Variants in LRRC49 observed in about 807,000 individuals in gnomAD.
LRRC49 encodes the protein leucine rich repeat containing 49, also known as leucine-rich repeat-containing protein 49.
In LRRC49, 50 loss-of-function variants were observed where a neutral mutation model predicts 83.3. That is an observed-to-expected ratio of 0.60 (90% CI 0.48 to 0.76). The LOEUF (loss-of-function observed/expected upper bound fraction) is 0.76. Among genes scored for constraint, LRRC49 ranks in the 30% least tolerant of loss-of-function variants. The pLI is 0.00. For synonymous variants in LRRC49, 286 were observed against 283.3 expected (o/e 1.01, Z -0.10); for missense variants, 704 against 809.1 (o/e 0.87, Z 1.58).
intron 15 of LRRC49, among the ~76,000 whole-genome samples, chr15:71,041,206 T>C (rs2039691339): frequency 6.6e-6 from 1 of 152,172 alleles, no homozygotes; most frequent in African/African-American, 2.4e-5. Context: ...TTGAGGTAAT[T>C]TGTTAGACAG....
intron 2 of LRRC49, among the ~76,000 whole-genome samples, chr15:70,883,575 C>T (rs2033324100): frequency 6.6e-6 from 1 of 151,932 alleles, no homozygotes; most frequent in African/African-American, 2.4e-5. Context: ...GTTCTTTATA[C>T]TTTATAGAAG....
intron 9 of LRRC49, among the ~76,000 whole-genome samples, chr15:70,969,239 A>C (rs1304594589): frequency 6.6e-6 from 1 of 152,194 alleles, no homozygotes; most frequent in Non-Finnish European, 1.5e-5. Context: ...TTAAATAGGG[A>C]ATCCTTTACC....
chr15:70,979,081 A>C (rs1267423876), intron 9 of LRRC49, among the ~76,000 whole-genome samples: 1 of 152,146 alleles, frequency 6.6e-6, no homozygotes, highest in African/African-American at 2.4e-5. Context: ...GAGTATCTAC[A>C]AATCTTTTGG....
chr15:70,933,867 T>C (rs1338457871), intron 7 of LRRC49, among the ~76,000 whole-genome samples: 2 of 152,326 alleles, frequency 1.3e-5, no homozygotes, highest in East Asian at 1.9e-4. Context: ...GTTAAACTTT[T>C]GTTTTCCCTG....
chr15:70,977,662 A>G (rs1301093055), intron 9 of LRRC49, among the ~76,000 whole-genome samples: 1 of 152,108 alleles, frequency 6.6e-6, no homozygotes, highest in South Asian at 2.1e-4. Flanking sequence ...AAAAATAATA[A>G]TTATTATTAT....
intron 8 of LRRC49, among the ~76,000 whole-genome samples, chr15:70,951,246 C>T (rs1196039758): frequency 6.6e-6 from 1 of 151,942 alleles, no homozygotes; most frequent in Admixed American, 6.6e-5. Context: ...TTCTAGCTCT[C>T]TTTTGGTTCC....
Position 70,936,593 on chromosome 15 carries a change from A to G in LRRC49, c.712-168A>G, listed in dbSNP as rs1267225245. ...TCTGCGGATGTACTGAAACCCTCCC[A>G]TTTAATCTGCAGTGGAGGAGAGTGG... On this transcript the variant is annotated intron_variant, in intron 7 of 15. Coordinates refer to ENST00000260382, the MANE Select transcript of LRRC49 (RefSeq NM_017691.5). 1.6e-5 allele frequency: 9 copies of G among 563,764 alleles called. No homozygotes were observed. In the South Asian group the frequency reaches 1.8e-4, roughly 11 times the overall value. 34.9% of individuals were successfully genotyped at this position (563,764 alleles called of 1,614,324 possible). A position where few individuals can be genotyped will look rare whatever the true frequency, so the allele number is the denominator to read the frequency against.
chr15:71,047,342 T>C (rs1405525425), intron 15 of LRRC49, among the ~76,000 whole-genome samples: 1 of 152,258 alleles, frequency 6.6e-6, no homozygotes, highest in Non-Finnish European at 1.5e-5. Flanking sequence ...TCCATTTATT[T>C]GTGTCATCTC....
chr15:70,892,098 C>G (rs1356786949), upstream of LRRC49: 1 of 1,614,024 alleles, frequency 6.2e-7, no homozygotes, highest in East Asian at 2.2e-5. Context: ...CAGGCTGGGG[C>G]AAAGTGGTCA....
At chr15:70,952,886 A>C (rs2036270230) in intron 8 of LRRC49, among the ~76,000 whole-genome samples, 1 of 152,198 alleles carries the variant, frequency 6.6e-6, no homozygotes, top group African/African-American at 2.4e-5. Context: ...TCATTATGTA[A>C]TGCCCTTTCT....
Position 70,904,682 on chromosome 15 carries a change from G to A in LRRC49, c.427G>A (p.Asp143Asn). 1 of 1,613,498 alleles carries A rather than the reference G, an allele frequency of 6.2e-7. No homozygotes were observed. Among genetic ancestry groups the A allele is most frequent in the Non-Finnish European group, 8.5e-7 (1 of 1,179,548 alleles). ...GAAGTTAATATCGTTGGATTTATAT[G>A]ATAACCAGATTGAAGAAATTAGTGG... ...LQKLISLDLY[D>N]NQIEEISGLS... Residue 143 changes from aspartate (D) to asparagine (N), a missense_variant, in exon 5 of 16, where the codon GAT (aspartate) becomes AAT (asparagine). Asp to Asn is a conservative substitution (Grantham distance 23). Transcript: ENST00000260382.
At chr15:70,918,162 A>G (rs1484456929) in intron 6 of LRRC49, 1 of 152,466 alleles carries the variant, frequency 6.6e-6, no homozygotes, top group Non-Finnish European at 1.5e-5. Flanking sequence ...TGTAGCAGCC[A>G]GCATGTCTGA....
In LRRC49 at chr15:71,008,461, C is replaced by A. The variant is rs746080307; in HGVS notation, c.1252C>A (p.Leu418Ile). 1 of 1,612,906 alleles carries A rather than the reference C, an allele frequency of 6.2e-7. No homozygotes were observed. The highest frequency in any genetic ancestry group is 1.7e-5 in the Admixed American group (1 of 59,894). Residue 418 changes from leucine (L) to isoleucine (I), a missense_variant, in exon 12 of 16, where the codon CTT becomes ATT. Physicochemically the swap from Leu to Ile is conservative, Grantham distance 5. Transcript: ENST00000260382. ...TYLVEVDGDT[L>I]SLYGSGALES... ...CCTTGTTGAAGTGGACGGGGATACACTTTCCCTATATGGCTCAGGAGCACT... is the reference window on the plus strand; with the variant it reads ...CCTTGTTGAAGTGGACGGGGATACAATTTCCCTATATGGCTCAGGAGCACT...
chr15:70,984,013 A>G, intron 10 of LRRC49, 81 bp from the exon 11 acceptor site: 1 of 1,010,898 alleles, frequency 9.9e-7, no homozygotes, highest in East Asian at 2.6e-5. Context: ...ATAAGAAGGC[A>G]CAAACAATAT....
At chr15:71,040,075 C>A (rs982132212) in intron 15 of LRRC49, among the ~76,000 whole-genome samples, 3 of 152,094 alleles carry the variant, frequency 2.0e-5, no homozygotes, top group African/African-American at 7.2e-5. Flanking sequence ...ACATTATAGC[C>A]AAGTGTAGTT....
At chr15:70,959,618 C>A (rs369916514) in intron 8 of LRRC49, among the ~76,000 whole-genome samples, 1 of 148,380 alleles carries the variant, frequency 6.7e-6, no homozygotes, top group South Asian at 2.1e-4. Context: ...AAATTCCAGT[C>A]AAAATCCCAT....
At position 71,053,148 on chromosome 15, in the gene LRRC49, T is replaced by C. The variant is rs1485894264; in HGVS notation, c.*3536T>C. On this transcript the variant is annotated 3_prime_UTR_variant, in exon 16 of 16. Transcript: ENST00000260382. The stretch of plus-strand genomic sequence containing the variant: ...TTAGGGGGACCAGTTGGGAAGGTAC[T>C]GCATTATTCTAGGCAAGAGATAATT... 3 of 152,326 alleles carry C rather than the reference T, an allele frequency of 2.0e-5. No homozygotes were observed. The South Asian group carries it at 6.2e-4, about 32-fold the overall frequency. The allele number at this position is 152,326 out of a possible 1,614,324, so 9.4% of individuals were successfully genotyped here. A position where few individuals can be genotyped will look rare whatever the true frequency, so the allele number is the denominator to read the frequency against.
chr15:71,015,908 A>G (rs544338132), intron 14 of LRRC49, among the ~76,000 whole-genome samples: 13 of 152,332 alleles, frequency 8.5e-5, no homozygotes, highest in South Asian at 8.3e-4. Flanking sequence ...ATGTCCATCA[A>G]TAGAGCGAGA....
chr15:70,969,622 G>GT (rs1384715615), intron 9 of LRRC49, among the ~76,000 whole-genome samples: 2 of 152,154 alleles, frequency 1.3e-5, no homozygotes, highest in Non-Finnish European at 2.9e-5. Flanking sequence ...AGCATAGAAT[G>GT]TTTTTCCATT....
Sources: gnomAD v4.1 joint callset for allele counts (sites outside exome capture counted in the v4.1 genomes callset) on GRCh38, gnomAD v4.1.1 for gene constraint, MANE v1.5 for transcripts, NCBI Gene and HGNC (gene_info 2026-07-23, HGNC 2026-07-21) for gene names.